CDC5L: variants seen among roughly 807,000 people sequenced by gnomAD.
The protein encoded by CDC5L is cell division cycle 5-like protein.
Under a neutral mutation model 104.1 loss-of-function variants are expected in CDC5L, and 18 were observed. The ratio of observed to expected loss-of-function variants is 0.17; its 90% CI spans 0.12 to 0.26. The LOEUF (loss-of-function observed/expected upper bound fraction) is 0.26, where lower values mean the gene tolerates loss of function less well. CDC5L is among the 10% of genes least tolerant of loss of function. The pLI is 1.00. For missense variants in CDC5L, 673 were observed against 956.9 expected, an observed-to-expected ratio of 0.70 and a Z score of 3.91; for synonymous variants, 331 against 322.7, an observed-to-expected ratio of 1.03 and a Z score of -0.28.
At chr6:44,403,045 A>G (rs897425680) in intron 5 of CDC5L, among the ~76,000 whole-genome samples, 3 of 152,232 alleles carry the variant, frequency 2.0e-5, no homozygotes, top group South Asian at 4.1e-4. Context: ...CTCAAAAAAT[A>G]TGAAAATCTT....
Position 44,419,514 on chromosome 6 carries a change from A to AT in CDC5L, c.1160dup (p.Leu387PhefsTer3). ...CATTGAAAGGTGGACTTAATACCCC[A>AT]TTGCATGAGAGTGACTTCTCAGGTG... On this transcript the variant is annotated frameshift_variant, in exon 9 of 16. Coordinates refer to ENST00000371477, the MANE Select transcript of CDC5L (RefSeq NM_001253.4). LOFTEE classifies it high-confidence loss of function. The AT allele has an allele frequency of 6.2e-7, 1 of 1,613,874 alleles. No homozygotes were observed. Among genetic ancestry groups the AT allele is most frequent in the Non-Finnish European group, 8.5e-7 (1 of 1,179,744 alleles).
At chr6:44,399,738 C>G (rs544901153) in intron 5 of CDC5L, among the ~76,000 whole-genome samples, 2 of 152,276 alleles carry the variant, frequency 1.3e-5, no homozygotes, top group East Asian at 3.9e-4. Context: ...ACTGCAAGCT[C>G]CACCTCCCGG....
chr6:44,443,175 AT>A (rs1324781523), intron 14 of CDC5L, among the ~76,000 whole-genome samples: 1 of 142,488 alleles, frequency 7.0e-6, no homozygotes, highest in Non-Finnish European at 1.5e-5. Context: ...TTTTAAATAT[AT>A]CATCCCACTC....
chr6:44,425,634 A>G (rs1024556486), intron 11 of CDC5L, among the ~76,000 whole-genome samples: 6 of 152,192 alleles, frequency 3.9e-5, no homozygotes, highest in Non-Finnish European at 5.9e-5. Context: ...TTTTGTGTTT[A>G]GTTCTCAGCT....
At chr6:44,406,987 T>C (rs11571956) in intron 7 of CDC5L, among the ~76,000 whole-genome samples, 5,219 of 152,278 alleles carry the variant, frequency 0.034, 182 homozygotes, top group African/African-American at 0.088. Flanking sequence ...ATAAGATAGC[T>C]TCAGCTTCTC....
chr6:44,430,001 C>T, intron 14 of CDC5L, 91 bp downstream of exon 14: 1 of 966,580 alleles, frequency 1.0e-6, no homozygotes, highest in South Asian at 1.6e-5. Flanking sequence ...CAGAAAAACA[C>T]ACCTGAGGTG....
At chr6:44,428,501 T>TG (rs1792529638) in intron 13 of CDC5L, among the ~76,000 whole-genome samples, 1 of 152,252 alleles carries the variant, frequency 6.6e-6, no homozygotes, top group East Asian at 1.9e-4. Flanking sequence ...TGTCTGGCAT[T>TG]GGGCTAGGCT....
intron 14 of CDC5L, among the ~76,000 whole-genome samples, chr6:44,440,434 G>A (rs934459074): frequency 6.7e-6 from 1 of 149,632 alleles, no homozygotes; most frequent in Non-Finnish European, 1.5e-5. Flanking sequence ...TAGAGATGGG[G>A]GTTTTGTCAT....
chr6:44,405,752 C>T (rs1791333833), intron 6 of CDC5L, among the ~76,000 whole-genome samples: 1 of 152,122 alleles, frequency 6.6e-6, no homozygotes, highest in Non-Finnish European at 1.5e-5. Flanking sequence ...TTATCACAAT[C>T]TTCATACTTA....
chr6:44,395,498 G>A (rs1790830417), intron 4 of CDC5L, among the ~76,000 whole-genome samples: 1 of 152,212 alleles, frequency 6.6e-6, no homozygotes, highest in African/African-American at 2.4e-5. Flanking sequence ...GCGAGATGGG[G>A]AATACTAATA....
chr6:44,392,051 T>C (rs1790648650), intron 2 of CDC5L, among the ~76,000 whole-genome samples: 1 of 152,158 alleles, frequency 6.6e-6, no homozygotes, highest in East Asian at 1.9e-4. Flanking sequence ...TGATTTCTGT[T>C]TGTCTTAGTG....
chr6:44,406,737 A>C (rs143945290), intron 7 of CDC5L, among the ~76,000 whole-genome samples: 453 of 152,218 alleles, frequency 3.0e-3, no homozygotes, highest in African/African-American at 0.01. Context: ...AGCATGGTGA[A>C]ACCCTGTCTC....
At chr6:44,395,462 C>T (rs1790828704) in intron 4 of CDC5L, among the ~76,000 whole-genome samples, 2 of 152,236 alleles carry the variant, frequency 1.3e-5, no homozygotes, top group South Asian at 4.1e-4. Flanking sequence ...GTCATAAAAT[C>T]TCTCTGAGCT....
rs11571996 is a variant in CDC5L, at chr6:44,421,103, A to G, written c.1241+1506A>G. Among the ~76,000 whole-genome samples the G allele has an allele frequency of 3.8e-4, 58 of 152,318 alleles. 1 individual carries two copies. In the East Asian group the frequency reaches 0.011, roughly 28 times the overall value. On this transcript the variant is annotated intron_variant, in intron 9 of 15. Coordinates refer to ENST00000371477, the MANE Select transcript of CDC5L (RefSeq NM_001253.4). ...TTGACAAATGGTAAAGTGAACATCC[A>G]TATACCCACCACTTAGATTCTAAGA...
chr6:44,391,532 G>A (rs1400784565), intron 2 of CDC5L, among the ~76,000 whole-genome samples: 3 of 152,120 alleles, frequency 2.0e-5, no homozygotes, highest in Non-Finnish European at 2.9e-5. Flanking sequence ...ACAGGCGTGA[G>A]CCACCGCGCC....
chr6:44,395,754 A>G (rs1449464921), intron 4 of CDC5L, among the ~76,000 whole-genome samples: 1 of 152,172 alleles, frequency 6.6e-6, no homozygotes, highest in East Asian at 1.9e-4. Context: ...AGTATTTTAC[A>G]AGTTCCCATG....
chr6:44,424,021 G>T (rs575247729), intron 10 of CDC5L, among the ~76,000 whole-genome samples: 1 of 152,246 alleles, frequency 6.6e-6, no homozygotes, highest in East Asian at 1.9e-4. Flanking sequence ...TTGGGAAGAA[G>T]GGGGGATAGA....
chr6:44,441,854 A>G (rs1044874874), intron 14 of CDC5L, among the ~76,000 whole-genome samples: 6 of 144,086 alleles, frequency 4.2e-5, no homozygotes, highest in Admixed American at 3.5e-4. Flanking sequence ...TTGTTTGTAT[A>G]TTTTGGATAT....
chr6:44,420,995 A>G (rs779686468), intron 9 of CDC5L, among the ~76,000 whole-genome samples: 2 of 152,158 alleles, frequency 1.3e-5, no homozygotes, highest in Non-Finnish European at 2.9e-5. Context: ...GGTCTGTCAT[A>G]GCACACATAT....
Sources: allele counts gnomAD v4.1 joint callset (sites outside exome capture counted in the v4.1 genomes callset), GRCh38; gene constraint gnomAD v4.1.1; transcripts MANE v1.5; gene names NCBI Gene and HGNC (gene_info 2026-07-23, HGNC 2026-07-21).